The following SCLT1 variants were observed in gnomAD, a reference collection of about 807,000 sequenced individuals.
SCLT1 encodes the protein sodium channel-associated protein 1.
SCLT1 carries 78 observed loss-of-function variants against 112.8 expected under a neutral mutation model. The observed-to-expected ratio is 0.69, with a 90% CI of 0.58 to 0.83. The LOEUF is 0.83. SCLT1 is among the 40% of genes least tolerant of loss of function. The pLI, the probability that SCLT1 is intolerant of heterozygous loss-of-function variation, is 0.00. For synonymous variants in SCLT1, 257 were observed against 254.7 expected (o/e 1.01, Z -0.09); for missense variants, 747 against 770.4 (o/e 0.97, Z 0.36).
At chr4:128,970,188 G>C (rs191311972) in intron 10 of SCLT1, among the ~76,000 whole-genome samples, 190 bp downstream of exon 10, 1 of 152,100 alleles carries the variant, frequency 6.6e-6, no homozygotes, top group East Asian at 1.9e-4. Context: ...TATAGAGAAT[G>C]GAAATAAAAA....
Position 129,082,298 on chromosome 4 carries a change from T to A in SCLT1, c.102+8A>T. On this transcript the variant is annotated splice_region_variant and intron_variant, in intron 2 of 20. Transcript: ENST00000281142. Reference sequence around the variant, plus strand: ...AATATTCCCAAGTAGAATTTATAATTTACATACCTGTACAGATGAATATTT... The same window carrying A: ...AATATTCCCAAGTAGAATTTATAATATACATACCTGTACAGATGAATATTT... 1 of 1,348,948 alleles carries A rather than the reference T, an allele frequency of 7.4e-7. No individual in the cohort carries two copies. Among genetic ancestry groups the A allele is most frequent in the South Asian group, 1.5e-5 (1 of 67,980 alleles). The allele number at this position is 1,348,948 out of a possible 1,614,324, so 83.6% of individuals were successfully genotyped here. A position where few individuals can be genotyped will look rare whatever the true frequency, so the allele number is the denominator to read the frequency against.
chr4:129,058,612 A>G (rs901319942), intron 2 of SCLT1, among the ~76,000 whole-genome samples: 1 of 152,084 alleles, frequency 6.6e-6, no homozygotes, highest in African/African-American at 2.4e-5. Flanking sequence ...TTTTGTTGAG[A>G]CTTGTTTTGT....
intron 5 of SCLT1, among the ~76,000 whole-genome samples, chr4:129,032,526 A>G (rs1746817599): frequency 6.6e-6 from 1 of 152,168 alleles, no homozygotes; most frequent in Non-Finnish European, 1.5e-5. Context: ...GCACAGCAAA[A>G]TAAACTATCA....
intron 7 of SCLT1, among the ~76,000 whole-genome samples, chr4:128,998,892 A>T (rs1169754152): frequency 6.6e-6 from 1 of 151,956 alleles, no homozygotes; most frequent in Non-Finnish European, 1.5e-5. Context: ...AGCTGAAGAG[A>T]GGTATGAAAA....
chr4:128,995,819 A>G (rs1056624877), intron 8 of SCLT1, among the ~76,000 whole-genome samples: 2 of 152,022 alleles, frequency 1.3e-5, no homozygotes, highest in African/African-American at 4.8e-5. Flanking sequence ...GGGCTGCCCT[A>G]GAGAAGCTGC....
At chr4:129,002,498 A>G (rs1371295713) in intron 6 of SCLT1, among the ~76,000 whole-genome samples, 1 of 152,156 alleles carries the variant, frequency 6.6e-6, no homozygotes, top group Non-Finnish European at 1.5e-5. Flanking sequence ...ACACTGAAAA[A>G]TACAAATTTA....
At chr4:128,888,568 A>C (rs1304366419) in intron 20 of SCLT1, 111 bp downstream of exon 20, 4 of 583,824 alleles carry the variant, frequency 6.9e-6, no homozygotes, top group African/African-American at 5.8e-5. Flanking sequence ...TAAAGGGATT[A>C]ATTTTAAAAT....
intron 9 of SCLT1, among the ~76,000 whole-genome samples, chr4:128,976,668 A>C (rs72922058): frequency 0.012 from 1,852 of 152,352 alleles, 28 homozygotes; most frequent in Middle Eastern, 0.037. Context: ...TTAAGCAACA[A>C]AAAAATTAAA....
chr4:128,941,167 C>T (rs77063560), intron 17 of SCLT1, among the ~76,000 whole-genome samples: 2,078 of 152,178 alleles, frequency 0.014, 30 homozygotes, highest in African/African-American at 0.042. Flanking sequence ...CCATGACACA[C>T]TGGGATTATG....
chr4:129,058,111 T>A (rs1253598725), intron 2 of SCLT1, among the ~76,000 whole-genome samples: 1 of 152,126 alleles, frequency 6.6e-6, no homozygotes, highest in Non-Finnish European at 1.5e-5. Context: ...TTTATTTGGA[T>A]CTTTTCACTT....
intron 18 of SCLT1, among the ~76,000 whole-genome samples, chr4:128,903,923 T>C (rs1241188340): frequency 6.6e-6 from 1 of 152,204 alleles, no homozygotes; most frequent in Non-Finnish European, 1.5e-5. Context: ...AAACATTAAA[T>C]AAGACTTTCC....
intron 18 of SCLT1, among the ~76,000 whole-genome samples, chr4:128,898,255 T>C (rs553349670): frequency 2.0e-5 from 3 of 152,276 alleles, no homozygotes; most frequent in East Asian, 1.9e-4. Context: ...TATTCCAAAA[T>C]TGACCACATA....
chr4:129,062,709 C>T, intron 2 of SCLT1, among the ~76,000 whole-genome samples: 1 of 152,008 alleles, frequency 6.6e-6, no homozygotes. Flanking sequence ...TTTCAATATA[C>T]CATCCCACTG....
At chr4:128,899,674 G>A (rs1734101325) in intron 18 of SCLT1, among the ~76,000 whole-genome samples, 1 of 151,776 alleles carries the variant, frequency 6.6e-6, no homozygotes, top group African/African-American at 2.4e-5. Flanking sequence ...GTTCTGGCCA[G>A]GGCAATCAGG....
intron 5 of SCLT1, among the ~76,000 whole-genome samples, chr4:129,031,157 C>T (rs1419909562): frequency 3.9e-5 from 6 of 152,002 alleles, no homozygotes; most frequent in Admixed American, 6.6e-5. Flanking sequence ...GCTGGTTCAA[C>T]GTATGCAAAT....
intron 18 of SCLT1, among the ~76,000 whole-genome samples, chr4:128,927,949 A>G (rs1010219987): frequency 1.3e-5 from 2 of 152,078 alleles, no homozygotes; most frequent in African/African-American, 4.8e-5. Context: ...CAGACATTAA[A>G]TGGACAATAA....
chr4:128,927,879 A>G (rs318557), intron 18 of SCLT1, among the ~76,000 whole-genome samples: 109,887 of 151,672 alleles, frequency 0.72, 40,125 homozygotes, highest in African/African-American at 0.81. Flanking sequence ...GAGTGATAAC[A>G]AAAAAAAGAG....
chr4:129,018,701 AT>A (rs1745197044), intron 5 of SCLT1, among the ~76,000 whole-genome samples: 1 of 152,180 alleles, frequency 6.6e-6, no homozygotes, highest in African/African-American at 2.4e-5. Flanking sequence ...ATACCAAATA[AT>A]TAAAAAATAA....
At chr4:128,954,087 T>C (rs1739013936) in intron 13 of SCLT1, among the ~76,000 whole-genome samples, 1 of 152,082 alleles carries the variant, frequency 6.6e-6, no homozygotes, top group Non-Finnish European at 1.5e-5. Context: ...TAACTATTCA[T>C]GCTTTTTAAA....
Sources: allele counts gnomAD v4.1 joint callset (sites outside exome capture counted in the v4.1 genomes callset), GRCh38; gene constraint gnomAD v4.1.1; transcripts MANE v1.5; gene names NCBI Gene and HGNC (gene_info 2026-07-23, HGNC 2026-07-21).